The following ZNF678 variants were observed in gnomAD, a reference collection of about 807,000 sequenced individuals.
The protein encoded by ZNF678 is hypothetical protein MGC42493.
In ZNF678, 5 loss-of-function variants were observed where a neutral mutation model predicts 3.0. That is an observed-to-expected ratio of 1.69 (90% confidence interval 0.88 to 3.56). ZNF678 has a LOEUF of 3.56. Ranked by LOEUF, ZNF678 falls within the 30% of genes most tolerant of loss-of-function variation. The pLI is 0.00. For synonymous variants in ZNF678, 218 were observed against 199.6 expected (o/e 1.09, Z -0.78); for missense variants, 593 against 605.0 (o/e 0.98, Z 0.21).
chr1:227,630,301 A>G (rs1430498365), intron 1 of ZNF678, among the ~76,000 whole-genome samples: 1 of 152,090 alleles, frequency 6.6e-6, no homozygotes, highest in Non-Finnish European at 1.5e-5. Context: ...AAGTTAGCAA[A>G]TGTCTGCAGC....
At position 227,675,935 on chromosome 1, in the gene ZNF678, G is replaced by A. The variant is rs115592313; in HGVS notation, c.227-1244G>A. On this transcript the variant is annotated intron_variant, in intron 5 of 5. Coordinates refer to the ZNF678 transcript ENST00000608949. ...CAAGACGGTATTTAATGGTAACAGG[G>A]AAAAGGAGAGATAAGCTGTGCATTC... 7.6e-3 allele frequency among the ~76,000 whole-genome samples: 1,164 copies of A among 152,304 alleles called. 14 individuals are homozygous for A. Among genetic ancestry groups the A allele is most frequent in the African/African-American group, 0.027 (1,114 of 41,552 alleles).
chr1:227,637,324 G>A (rs184868104), intron 1 of ZNF678, among the ~76,000 whole-genome samples: 22 of 152,330 alleles, frequency 1.4e-4, no homozygotes, highest in Admixed American at 3.3e-4. Context: ...GAGCCGTGAG[G>A]CAGAGATGAG....
chr1:227,627,871 G>A (rs1221212969), intron 1 of ZNF678, among the ~76,000 whole-genome samples: 6 of 152,194 alleles, frequency 3.9e-5, no homozygotes, highest in Non-Finnish European at 7.4e-5. Flanking sequence ...CTCAGGATCC[G>A]TCAAGGGAAC....
At chr1:227,649,086 C>G (rs1489473485) in intron 2 of ZNF678, among the ~76,000 whole-genome samples, 1 of 149,494 alleles carries the variant, frequency 6.7e-6, no homozygotes, top group Non-Finnish European at 1.5e-5. Flanking sequence ...GTATGTAAAC[C>G]ATATTTATCC....
rs567802234 is a variant in ZNF678 at position 227,655,866 on chromosome 1, C to T, written c.*38C>T. On this transcript the variant is annotated 3_prime_UTR_variant, in exon 4 of 4. Coordinates refer to ENST00000343776, the MANE Select transcript of ZNF678 (RefSeq NM_001367909.1). ...TATACATGGCTTCACTAATTTCATA[C>T]TGAATAAAAGTGGTATGAGCATAAT... The T allele has an allele frequency of 6.6e-7, 1 of 1,521,088 alleles. No homozygotes were observed. Among genetic ancestry groups the T allele is most frequent in the African/African-American group, 1.4e-5 (1 of 71,814 alleles). The allele number at this position is 1,521,088 out of a possible 1,614,324, so 94.2% of individuals were successfully genotyped here. A position where few individuals can be genotyped will look rare whatever the true frequency, so the allele number is the denominator to read the frequency against.
At chr1:227,590,408 C>T (rs1657380819) in intron 1 of ZNF678, among the ~76,000 whole-genome samples, 1 of 151,740 alleles carries the variant, frequency 6.6e-6, no homozygotes, top group Non-Finnish European at 1.5e-5. Context: ...CGGGCCAGAA[C>T]AGTCAAGGTT....
intron 1 of ZNF678, among the ~76,000 whole-genome samples, chr1:227,593,480 TG>T (rs1377030192): frequency 6.6e-6 from 1 of 152,090 alleles, no homozygotes; most frequent in East Asian, 1.9e-4. Flanking sequence ...AGCTCTACAT[TG>T]GGGGGCAAGA....
chr1:227,675,205 AAGATGCACCAG>A (rs1659660474), intron 5 of ZNF678, among the ~76,000 whole-genome samples: 1 of 152,134 alleles, frequency 6.6e-6, no homozygotes, highest in African/African-American at 2.4e-5. Flanking sequence ...CCCTTATAAG[AAGATGCACCAG>A]AGAACTTTCT....
At chr1:227,675,547 A>G (rs891779469) in intron 5 of ZNF678, among the ~76,000 whole-genome samples, 1 of 152,238 alleles carries the variant, frequency 6.6e-6, no homozygotes, top group African/African-American at 2.4e-5. Flanking sequence ...TGTTTATTCA[A>G]ACTAGAGGGA....
intron 1 of ZNF678, among the ~76,000 whole-genome samples, chr1:227,614,602 G>A (rs1157079390): frequency 6.6e-6 from 1 of 152,036 alleles, no homozygotes; most frequent in Admixed American, 6.5e-5. Flanking sequence ...TTTTTTCTTA[G>A]CTTTTGTTCA....
At chr1:227,635,289 G>A (rs963344660) in intron 1 of ZNF678, among the ~76,000 whole-genome samples, 8 of 152,056 alleles carry the variant, frequency 5.3e-5, no homozygotes, top group Non-Finnish European at 4.4e-5. Context: ...GGAAATCATT[G>A]TTTTGATATA....
In ZNF678 at chr1:227,654,831, C is replaced by G; in HGVS notation, c.581C>G (p.Ser194Ter). 6.2e-7 allele frequency: 1 copy of G among 1,608,826 alleles called. No individual in the cohort carries two copies. ...TGTGACAAAGTTTTTAATTGGTGGTCACAACTAACTAGCCATAAGAAAATT... is the reference window on the plus strand; with the variant it reads ...TGTGACAAAGTTTTTAATTGGTGGTGACAACTAACTAGCCATAAGAAAATT... The part of the protein sequence containing the change: ...DECDKVFNWW[S>*]QLTSHKKIHS... The change falls in exon 4 of 4, where the codon TCA (serine) becomes TGA (stop). Residue 194 changes from serine (S) to a stop codon, truncating the protein, a stop_gained. Transcript: ENST00000343776. LOFTEE classifies it low-confidence loss of function (END_TRUNC).
At position 227,610,143 on chromosome 1, in the gene ZNF678, T is replaced by A. The variant is rs547560205; in HGVS notation, c.-163-36401T>A. Reference sequence around the variant, plus strand: ...TTTATACAGAAGACCTAGGGAGCTCTTATTCTACTTTTTCAAATGGAGACT... The same window carrying A: ...TTTATACAGAAGACCTAGGGAGCTCATATTCTACTTTTTCAAATGGAGACT... On this transcript the variant is annotated intron_variant, in intron 1 of 3. Transcript: ENST00000343776. Among the ~76,000 whole-genome samples, 4 of 152,304 alleles carry A rather than the reference T, an allele frequency of 2.6e-5. No homozygotes were observed. In the South Asian group the frequency reaches 8.3e-4, roughly 32 times the overall value.
At position 227,660,639 on chromosome 1, in the gene ZNF678, T is replaced by G. The variant is rs749273747; in HGVS notation, c.*4811T>G. The G allele has an allele frequency of 2.0e-5, 3 of 152,160 alleles. No individual in the cohort carries two copies. Among genetic ancestry groups the G allele is most frequent in the Non-Finnish European group, 4.4e-5 (3 of 68,022 alleles). 9.4% of individuals were successfully genotyped at this position (152,160 alleles called of 1,614,324 possible). A position where few individuals can be genotyped will look rare whatever the true frequency, so the allele number is the denominator to read the frequency against. On this transcript the variant is annotated 3_prime_UTR_variant, in exon 4 of 4. Coordinates refer to ENST00000343776, the MANE Select transcript of ZNF678 (RefSeq NM_001367909.1). ...TTTTAAAGTTTTCTATTTATAAGACTATGATATCTGCAAACAGGGACAATT... is the reference window on the plus strand; with the variant it reads ...TTTTAAAGTTTTCTATTTATAAGACGATGATATCTGCAAACAGGGACAATT...
At chr1:227,677,215 G>A (rs1451292680) in exon 6 of ZNF678, 3 of 152,190 alleles carry the variant, frequency 2.0e-5, no homozygotes, top group Non-Finnish European at 2.9e-5. Flanking sequence ...TGCCTCTTGA[G>A]TTCATGGTTC....
chr1:227,659,875 G>A lies in ZNF678; in HGVS notation c.*4047G>A, dbSNP rs1193600578. The A allele has an allele frequency of 1.1e-5, 1 of 89,020 alleles. No individual in the cohort carries two copies. The highest frequency in any genetic ancestry group is 2.0e-5 in the Non-Finnish European group (1 of 48,820). 5.5% of individuals were successfully genotyped at this position (89,020 alleles called of 1,614,324 possible). A position where few individuals can be genotyped will look rare whatever the true frequency, so the allele number is the denominator to read the frequency against. On this transcript the variant is annotated 3_prime_UTR_variant, in exon 4 of 4. Transcript: ENST00000343776. Reference sequence around the variant, plus strand: ...TGTGAGAAAGGTCAACATGGTCTTGGCACTTAAAAAAAAAAAAACAATATA... The same window carrying A: ...TGTGAGAAAGGTCAACATGGTCTTGACACTTAAAAAAAAAAAAACAATATA...
downstream of ZNF678, among the ~76,000 whole-genome samples, chr1:227,667,261 C>T (rs367742383): frequency 5.3e-3 from 809 of 152,164 alleles, 8 homozygotes; most frequent in African/African-American, 0.019. Context: ...GTCTCAATTT[C>T]CTGACCTCAA....
At chr1:227,612,613 C>T (rs1219175988) in intron 1 of ZNF678, among the ~76,000 whole-genome samples, 1 of 152,182 alleles carries the variant, frequency 6.6e-6, no homozygotes, top group Non-Finnish European at 1.5e-5. Flanking sequence ...GCTTTCTACT[C>T]CTGGGCACAC....
intron 1 of ZNF678, among the ~76,000 whole-genome samples, chr1:227,604,920 A>G (rs1172266441): frequency 2.0e-5 from 3 of 151,822 alleles, no homozygotes; most frequent in East Asian, 3.9e-4. Context: ...CAGTGGTGCA[A>G]TCTCCGCTCA....
Sources: gnomAD v4.1 joint callset for allele counts (sites outside exome capture counted in the v4.1 genomes callset) on GRCh38, gnomAD v4.1.1 for gene constraint, MANE v1.5 for transcripts, NCBI Gene and HGNC (gene_info 2026-07-23, HGNC 2026-07-21) for gene names.